The following NUP205 variants were observed in gnomAD, a reference collection of about 807,000 sequenced individuals.
The protein encoded by NUP205 is nucleoporin 205.
A neutral mutation model predicts 253.8 loss-of-function variants in NUP205; 76 were observed. The observed-to-expected ratio is 0.30, with a 90% CI of 0.25 to 0.36. NUP205 has a LOEUF of 0.36. Ranked by LOEUF, NUP205 falls within the 10% of genes least tolerant of loss-of-function variation. The pLI, the probability that NUP205 is intolerant of heterozygous loss-of-function variation, is 1.00. For missense variants in NUP205, 2,162 were observed against 2,425.5 expected, an observed-to-expected ratio of 0.89 and a Z score of 2.28; for synonymous variants, 832 against 850.1, an observed-to-expected ratio of 0.98 and a Z score of 0.37.
intron 34 of NUP205, among the ~76,000 whole-genome samples, chr7:135,628,731 A>G (rs1348773662): frequency 6.6e-6 from 1 of 152,172 alleles, no homozygotes; most frequent in Non-Finnish European, 1.5e-5. Context: ...ACAACCTTGT[A>G]TTGCTTTATT....
intron 7 of NUP205, among the ~76,000 whole-genome samples, chr7:135,583,593 C>T (rs973245262): frequency 6.6e-6 from 1 of 151,986 alleles, no homozygotes; most frequent in Admixed American, 6.6e-5. Flanking sequence ...AACCCTGTCT[C>T]TACTAAAAAT....
intron 39 of NUP205, 57 bp downstream of exon 39, chr7:135,643,415 A>G: frequency 1.4e-6 from 2 of 1,420,492 alleles, no homozygotes; most frequent in Non-Finnish European, 1.9e-6. Flanking sequence ...TTACTAGGCC[A>G]GGGTACTCAG....
chr7:135,577,265 G>C (rs1440540899), intron 5 of NUP205, 137 bp downstream of exon 5: 1 of 822,484 alleles, frequency 1.2e-6, no homozygotes, highest in South Asian at 1.9e-5. Flanking sequence ...CTTTTTTTTT[G>C]CTTTTATTAT....
rs753883196 is a variant in NUP205 at position 135,587,859 on chromosome 7, G to A, written c.1340G>A (p.Gly447Asp). 1 of 1,611,070 alleles carries A rather than the reference G, an allele frequency of 6.2e-7. No individual in the cohort carries two copies. The highest frequency in any genetic ancestry group is 1.3e-5 in the African/African-American group (1 of 74,768). ...RDLEHLMLLIGELYKKNPFHL... is the reference protein window; with the variant it reads ...RDLEHLMLLIDELYKKNPFHL... ...GTCTTTGCTTACTCTTTGCAGATTG[G>A]CGAGCTATATAAAAAGAACCCTTTT... The change falls in exon 10 of 43, where the codon GGC (glycine) becomes GAC (aspartate). Residue 447 changes from glycine to aspartate, a missense_variant. Physicochemically the swap from Gly to Asp is moderately conservative, Grantham distance 94. Around this residue, in one of 5 missense-constraint regions of NUP205, gnomAD observed 892 missense variants for 957.1 expected, o/e 0.93. Coordinates refer to ENST00000285968, the MANE Select transcript of NUP205 (RefSeq NM_015135.3).
intron 7 of NUP205, among the ~76,000 whole-genome samples, chr7:135,582,833 G>A (rs1806345243): frequency 6.7e-6 from 1 of 149,508 alleles, no homozygotes; most frequent in Non-Finnish European, 1.5e-5. Flanking sequence ...ACTCATGCCT[G>A]TAATCCCAAC....
chr7:135,647,986 A>G (rs1161305921), intron 42 of NUP205, among the ~76,000 whole-genome samples: 1 of 152,188 alleles, frequency 6.6e-6, no homozygotes, highest in Non-Finnish European at 1.5e-5. Flanking sequence ...TGAAGTAAAA[A>G]GTAAAAGCTT....
chr7:135,638,563 G>A lies in NUP205; in HGVS notation c.5272G>A (p.Ala1758Thr), dbSNP rs200940064. ...TACTGTTTTTTGATTATAGATTTGT[G>A]CCAATGTAATGGAATATTGCCAGTC... ...EIELAMQQICANVMEYCQSLM... is the reference protein window; with the variant it reads ...EIELAMQQICTNVMEYCQSLM... The change falls in exon 38 of 43, where the codon GCC (alanine) becomes ACC (threonine). Residue 1758 changes from alanine (A) to threonine (T), a missense_variant. Physicochemically the swap from Ala to Thr is moderately conservative, Grantham distance 58. Around this residue, in one of 5 missense-constraint regions of NUP205, gnomAD observed 1,144 missense variants for 1,280.9 expected, o/e 0.89. Coordinates refer to ENST00000285968, the MANE Select transcript of NUP205 (RefSeq NM_015135.3). The A allele has an allele frequency of 6.2e-7, 1 of 1,613,634 alleles. No individual in the cohort carries two copies. Among genetic ancestry groups the A allele is most frequent in the Non-Finnish European group, 8.5e-7 (1 of 1,179,794 alleles).
Position 135,614,292 on chromosome 7 carries a change from G to A in NUP205, c.3310+19G>A, listed in dbSNP as rs745341253. On this transcript the variant is annotated intron_variant, in intron 23 of 42. Transcript: ENST00000285968. ...AACAAAGGTAGGCCATTATTTTCCCGTATTTATAAGAACACATTTATAATT... is the reference window on the plus strand; with the variant it reads ...AACAAAGGTAGGCCATTATTTTCCCATATTTATAAGAACACATTTATAATT... The A allele has an allele frequency of 3.6e-5, 44 of 1,215,652 alleles. No homozygotes were observed. Among genetic ancestry groups the A allele is most frequent in the Non-Finnish European group, 5.4e-5 (44 of 818,440 alleles). 75.3% of individuals were successfully genotyped at this position (1,215,652 alleles called of 1,614,324 possible).
intron 38 of NUP205, among the ~76,000 whole-genome samples, chr7:135,639,010 A>C (rs1257119432): frequency 2.0e-5 from 3 of 152,224 alleles, no homozygotes; most frequent in African/African-American, 7.2e-5. Context: ...TTATATGTTA[A>C]ATCATGTTAA....
rs1172239320 is a variant in NUP205 at position 135,598,198 on chromosome 7, A to C, written c.2265A>C (p.Ala755=). Residue 755 remains alanine, a synonymous_variant, in exon 15 of 43, where the codon GCA becomes GCC. Coordinates refer to ENST00000285968, the MANE Select transcript of NUP205 (RefSeq NM_015135.3). ...LRFRTRAYRR[A]AEKWEVAEVV... is the part of the protein sequence containing the mutation. ...TCCGTACAAGAGCTTACCGGAGAGC[A>C]GCTGAAAAGGTTATGTTCAGAGAAA... 1 of 1,613,932 alleles carries C rather than the reference A, an allele frequency of 6.2e-7. No individual in the cohort carries two copies. The highest frequency in any genetic ancestry group is 1.3e-5 in the African/African-American group (1 of 74,914).
Position 135,617,187 on chromosome 7 carries a change from A to G in NUP205, c.3630A>G (p.Glu1210=), listed in dbSNP as rs779347409. 6.2e-7 allele frequency: 1 copy of G among 1,613,966 alleles called. No individual in the cohort carries two copies. The highest frequency in any genetic ancestry group is 8.5e-7 in the Non-Finnish European group (1 of 1,179,890). Residue 1210 remains glutamate (E), a synonymous_variant, in exon 26 of 43, where the codon GAA becomes GAG. Transcript: ENST00000285968. ...QLDFFDRAQI[E]QVIANCEHKN... is the part of the protein sequence containing the mutation. ...ATTTTTTTGATCGGGCCCAGATTGA[A>G]CAAGTTATTGCTAACTGTGAACACA...
intron 2 of NUP205, 33 bp downstream of exon 2, chr7:135,571,280 T>A: frequency 4.9e-5 from 20 of 405,120 alleles, no homozygotes; most frequent in Non-Finnish European, 6.9e-5. Context: ...TTTTTTGGGA[T>A]TTTTTTTTTT....
intron 1 of NUP205, among the ~76,000 whole-genome samples, chr7:135,569,369 G>A (rs904721488): frequency 2.0e-5 from 3 of 152,156 alleles, no homozygotes; most frequent in Admixed American, 6.5e-5. Context: ...CACCGTGCCC[G>A]GCCTTAGTAC....
Position 135,594,539 on chromosome 7 carries a change from A to C in NUP205, c.1831-8A>C, listed in dbSNP as rs1164096133. On this transcript the variant is annotated splice_polypyrimidine_tract_variant and splice_region_variant and intron_variant, in intron 12 of 42. Coordinates refer to ENST00000285968, the MANE Select transcript of NUP205 (RefSeq NM_015135.3). Reference sequence around the variant, plus strand: ...GGAAAGTCTCATTCTTTTTGTGTCAATTCTTAGAGTGAAAATGCTCGCTTG... The same window carrying C: ...GGAAAGTCTCATTCTTTTTGTGTCACTTCTTAGAGTGAAAATGCTCGCTTG... The C allele has an allele frequency of 1.3e-6, 2 of 1,570,420 alleles. No individual in the cohort carries two copies. Among genetic ancestry groups the C allele is most frequent in the African/African-American group, 2.8e-5 (2 of 72,564 alleles).
chr7:135,617,297 TTAAGTCATCAGA>T, intron 26 of NUP205, 50 bp downstream of exon 26: 1 of 1,528,940 alleles, frequency 6.5e-7, no homozygotes, highest in Non-Finnish European at 8.9e-7. Context: ...GGCTCAGACT[TTAAGTCATCAGA>T]AACAAATAGA....
At chr7:135,582,262 G>C (rs1016737614) in intron 7 of NUP205, among the ~76,000 whole-genome samples, 1 of 152,136 alleles carries the variant, frequency 6.6e-6, no homozygotes, top group African/African-American at 2.4e-5. Context: ...TCCAGCCTGG[G>C]CAGCAGAGTA....
intron 35 of NUP205, 165 bp from the exon 36 acceptor site, chr7:135,635,416 A>G (rs1794788260): frequency 4.6e-6 from 2 of 432,038 alleles, no homozygotes; most frequent in East Asian, 6.9e-5. Flanking sequence ...TTAATATATA[A>G]CAGGTACTTA....
At chr7:135,563,664 T>A (rs553346315) in intron 1 of NUP205, among the ~76,000 whole-genome samples, 1 of 152,170 alleles carries the variant, frequency 6.6e-6, no homozygotes, top group East Asian at 1.9e-4. Context: ...AAAATACATA[T>A]TTAGTAATTT....
intron 3 of NUP205, among the ~76,000 whole-genome samples, chr7:135,574,553 C>T (rs540480815): frequency 2.5e-4 from 38 of 151,758 alleles, no homozygotes; most frequent in African/African-American, 8.5e-4. Flanking sequence ...GGAATAAAGG[C>T]GTGTTTAAGG....
Sources: allele counts gnomAD v4.1 joint callset (sites outside exome capture counted in the v4.1 genomes callset), GRCh38; gene constraint gnomAD v4.1.1; regional missense constraint gnomAD v4.1.1; transcripts MANE v1.5; gene names NCBI Gene and HGNC (gene_info 2026-07-23, HGNC 2026-07-21).